The following ARSG variants were observed in gnomAD, a reference collection of about 807,000 sequenced individuals.
The protein encoded by ARSG is arylsulfatase G.
ARSG carries 37 observed loss-of-function variants against 50.5 expected under a neutral mutation model. That is an observed-to-expected ratio of 0.73 (90% CI 0.56 to 0.96). The LOEUF (loss-of-function observed/expected upper bound fraction) is 0.96. Ranked by LOEUF, ARSG falls within the 50% of genes least tolerant of loss-of-function variation. ARSG has a pLI of 0.00. For missense variants in ARSG, 629 were observed against 675.3 expected, an observed-to-expected ratio of 0.93 and a Z score of 0.76; for synonymous variants, 225 against 254.6, an observed-to-expected ratio of 0.88 and a Z score of 1.11.
chr17:68,443,892 G>A, the ARSG span, among the ~76,000 whole-genome samples: 2 of 152,200 alleles, frequency 1.3e-5, no homozygotes, highest in Non-Finnish European at 2.9e-5. Context: ...CTAGCTTGAT[G>A]AATTCATATA....
chr17:68,325,001 G>C (rs376575899), intron 2 of ARSG, among the ~76,000 whole-genome samples: 1 of 152,120 alleles, frequency 6.6e-6, no homozygotes, highest in Non-Finnish European at 1.5e-5. Context: ...CTTGAGGGCA[G>C]GGATTTGTCT....
At chr17:68,278,057 T>TA (rs782626604) in intron 1 of ARSG, 2 of 1,509,938 alleles carry the variant, frequency 1.3e-6, no homozygotes, top group East Asian at 2.3e-5. Flanking sequence ...GCCCTATACT[T>TA]ACGTCATGGT....
intron 9 of ARSG, among the ~76,000 whole-genome samples, chr17:68,391,945 C>T (rs1218681450): frequency 6.6e-6 from 1 of 152,148 alleles, no homozygotes; most frequent in Non-Finnish European, 1.5e-5. Flanking sequence ...AGGTAGAGCC[C>T]TGGAGAGGAG....
In ARSG at chr17:68,370,534, T is replaced by C; in HGVS notation, c.982+10T>C. On this transcript the variant is annotated intron_variant, in intron 8 of 11. Coordinates refer to ENST00000621439, the MANE Select transcript of ARSG (RefSeq NM_001267727.2). ...TGGCAAACTCGTCAAGGTAAGGGGC[T>C]CAGCTGGGGTTGGTGGATCCCATTG... is the stretch of plus-strand genomic sequence containing the variant. The C allele has an allele frequency of 3.1e-6, 5 of 1,613,398 alleles. No homozygotes were observed. The highest frequency in any genetic ancestry group is 4.2e-6 in the Non-Finnish European group (5 of 1,179,566).
intron 1 of ARSG, among the ~76,000 whole-genome samples, chr17:68,279,689 T>C (rs3785613): frequency 0.22 from 33,195 of 152,076 alleles, 3,777 homozygotes; most frequent in Middle Eastern, 0.29. Context: ...TAAGGAGACA[T>C]TGACATTGAC....
chr17:68,371,608 G>A (rs926946134), intron 8 of ARSG, among the ~76,000 whole-genome samples: 2 of 152,108 alleles, frequency 1.3e-5, no homozygotes, highest in East Asian at 1.9e-4. Flanking sequence ...TGAAAAATAC[G>A]CATATCATTT....
At chr17:68,380,200 ACCTTCCTTCCT>A (rs895621078) in intron 8 of ARSG, among the ~76,000 whole-genome samples, 2 of 145,534 alleles carry the variant, frequency 1.4e-5, no homozygotes, top group African/African-American at 5.0e-5. Flanking sequence ...CCTTCCTTCT[ACCTTCCTTCCT>A]CCTTCCTTCC....
intron 1 of ARSG, chr17:68,278,423 C>T (rs1439830951): frequency 1.6e-5 from 11 of 703,354 alleles, no homozygotes; most frequent in South Asian, 1.5e-4. Context: ...AACTACTTAC[C>T]CCATTTCTTA....
At chr17:68,313,684 T>TC (rs1233817796) in intron 2 of ARSG, among the ~76,000 whole-genome samples, 46 of 141,038 alleles carry the variant, frequency 3.3e-4, no homozygotes, top group African/African-American at 6.7e-4. Context: ...TCTCTCTCTC[T>TC]TTTTTTTTTT....
chr17:68,390,576 C>A (rs2080944078), intron 9 of ARSG, among the ~76,000 whole-genome samples: 1 of 152,038 alleles, frequency 6.6e-6, no homozygotes, highest in African/African-American at 2.4e-5. Flanking sequence ...AGGCTGGGAA[C>A]CACTTCTCCA....
chr17:68,411,887 T>C (rs1343789171), intron 11 of ARSG, among the ~76,000 whole-genome samples: 2 of 151,532 alleles, frequency 1.3e-5, no homozygotes, highest in African/African-American at 4.9e-5. Context: ...AATGGCCTTG[T>C]CTCTTTTGAT....
intron 1 of ARSG, among the ~76,000 whole-genome samples, chr17:68,304,502 C>T (rs962143827): frequency 2.2e-4 from 34 of 152,276 alleles, no homozygotes; most frequent in African/African-American, 7.7e-4. Flanking sequence ...GTTTTTATCC[C>T]GGTCTTCCAA....
Position 68,307,043 on chromosome 17 carries a change from C to A in ARSG, c.-451C>A, listed in dbSNP as rs1555764346. 1 of 155,084 alleles carries A rather than the reference C, an allele frequency of 6.4e-6. No homozygotes were observed. Among genetic ancestry groups the A allele is most frequent in the African/African-American group, 2.4e-5 (1 of 41,484 alleles). 9.6% of individuals were successfully genotyped at this position (155,084 alleles called of 1,614,324 possible). On this transcript the variant is annotated 5_prime_UTR_variant, in exon 2 of 12. Transcript: ENST00000621439. Reference sequence around the variant, plus strand: ...TCCAGGTGTTCTGCAGATGCGAGAACTCATCCTGTAGTCACCAGATGGAGT... The same window carrying A: ...TCCAGGTGTTCTGCAGATGCGAGAAATCATCCTGTAGTCACCAGATGGAGT...
intron 8 of ARSG, among the ~76,000 whole-genome samples, chr17:68,370,905 A>C (rs2079807258): frequency 6.6e-6 from 1 of 152,080 alleles, no homozygotes; most frequent in Admixed American, 6.6e-5. Context: ...CTAACCATTA[A>C]TTTATTTCAT....
intron 8 of ARSG, among the ~76,000 whole-genome samples, chr17:68,383,167 C>G (rs762908925): frequency 6.6e-6 from 1 of 152,134 alleles, no homozygotes; most frequent in Non-Finnish European, 1.5e-5. Flanking sequence ...AAGAGAGCAA[C>G]ACAAAAGGTT....
intron 8 of ARSG, among the ~76,000 whole-genome samples, chr17:68,371,296 G>A (rs1271792333): frequency 8.0e-5 from 11 of 136,906 alleles, no homozygotes; most frequent in South Asian, 7.0e-4. Flanking sequence ...CAGCCTGGGC[G>A]AGAGTGTGAG....
intron 8 of ARSG, among the ~76,000 whole-genome samples, chr17:68,383,464 G>A (rs374655528): frequency 2.6e-5 from 4 of 152,164 alleles, no homozygotes; most frequent in Non-Finnish European, 5.9e-5. Context: ...GGCCTCAAAG[G>A]TTAAGCAAGA....
At chr17:68,394,107 C>T (rs1470235736) in intron 9 of ARSG, among the ~76,000 whole-genome samples, 1 of 151,994 alleles carries the variant, frequency 6.6e-6, no homozygotes, top group East Asian at 1.9e-4. Context: ...ATCCACCCAC[C>T]TTGACCTCCC....
At chr17:68,291,336 G>T (rs868988874), upstream of ARSG, 1 of 141,606 alleles carries the variant, frequency 7.1e-6, no homozygotes, top group Non-Finnish European at 1.5e-5. Context: ...GACCCGGGCC[G>T]TGCGTGCTGC....
Sources: allele counts gnomAD v4.1 joint callset (sites outside exome capture counted in the v4.1 genomes callset), GRCh38; gene constraint gnomAD v4.1.1; transcripts MANE v1.5; gene names NCBI Gene and HGNC (gene_info 2026-07-23, HGNC 2026-07-21).